The following BRI3 variants were observed in gnomAD, a reference collection of about 807,000 sequenced individuals.
The protein encoded by BRI3 is membrane protein BRI3.
In BRI3, 6 loss-of-function variants were observed where a neutral mutation model predicts 12.8. That is an observed-to-expected ratio of 0.47 (90% confidence interval 0.26 to 0.93). The LOEUF (loss-of-function observed/expected upper bound fraction) is 0.93, where lower values mean the gene tolerates loss of function less well. Among genes scored for constraint, BRI3 ranks in the 40% least tolerant of loss-of-function variants. BRI3 has a pLI of 0.15. For missense variants in BRI3, 134 were observed against 171.1 expected, an observed-to-expected ratio of 0.78 and a Z score of 1.21; for synonymous variants, 91 against 76.1, an observed-to-expected ratio of 1.20 and a Z score of -1.02.
downstream of BRI3, among the ~76,000 whole-genome samples, chr7:98,314,263 GT>G (rs2116884624): frequency 6.6e-6 from 1 of 151,990 alleles, no homozygotes; most frequent in African/African-American, 2.4e-5. Context: ...GATTACAGGC[GT>G]GAGCCACCAT....
At chr7:98,296,607 G>A (rs1430723834), downstream of BRI3, among the ~76,000 whole-genome samples, 2 of 152,146 alleles carry the variant, frequency 1.3e-5, no homozygotes, top group Non-Finnish European at 2.9e-5. Context: ...CTGGGCAACA[G>A]AGTGAGACTC....
intron 1 of BRI3, among the ~76,000 whole-genome samples, chr7:98,298,316 T>C (rs1800273088): frequency 6.7e-6 from 1 of 149,632 alleles, no homozygotes; most frequent in South Asian, 2.1e-4. Context: ...AAAAATGCTT[T>C]TAAAAAACAT....
intron 2 of BRI3, 75 bp downstream of exon 2, chr7:98,282,528 G>A: frequency 2.4e-6 from 3 of 1,264,530 alleles, no homozygotes; most frequent in Middle Eastern, 1.9e-4. Context: ...GGACCTCACA[G>A]CTCTGCTTGT....
Position 98,306,759 on chromosome 7 carries a change from G to A in BRI3, n.144+94G>A, listed in dbSNP as rs908692047. 5 of 514,116 alleles carry A rather than the reference G, an allele frequency of 9.7e-6. No individual in the cohort carries two copies. In the East Asian group the frequency reaches 1.2e-4, roughly 13 times the overall value. The allele number at this position is 514,116 out of a possible 1,614,324, so 31.8% of individuals were successfully genotyped here. On this transcript the variant is annotated intron_variant and non_coding_transcript_variant, in intron 1 of 1. Transcript: ENST00000485422. ...GTCTCGCTCTGTTGCCCAGGCTGGA[G>A]TGCAGTGGTGCGATCATAGCTCACA...
chr7:98,299,744 A>G (rs1562963758), intron 1 of BRI3, among the ~76,000 whole-genome samples: 1 of 152,170 alleles, frequency 6.6e-6, no homozygotes, highest in Non-Finnish European at 1.5e-5. Flanking sequence ...GTATATGGCT[A>G]CTTAAAATAA....
intron 2 of BRI3, among the ~76,000 whole-genome samples, chr7:98,286,007 G>A (rs557101141): frequency 6.6e-6 from 1 of 152,316 alleles, no homozygotes; most frequent in South Asian, 2.1e-4. Flanking sequence ...CACCATGTGC[G>A]CAGAGGGCAG....
chr7:98,312,059 C>T, downstream of BRI3: 1 of 1,550,942 alleles, frequency 6.4e-7, no homozygotes, highest in South Asian at 1.2e-5. Context: ...AGTTAGGAAA[C>T]ACACGATTGA....
chr7:98,317,710 C>T, the BRI3 span, among the ~76,000 whole-genome samples: 16 of 151,056 alleles, frequency 1.1e-4, no homozygotes, highest in South Asian at 3.4e-3. Context: ...GGGACCATCA[C>T]CCCGCAGTTC....
upstream of BRI3, among the ~76,000 whole-genome samples, chr7:98,303,948 G>C (rs113515586): frequency 6.6e-6 from 1 of 152,242 alleles, no homozygotes; most frequent in Non-Finnish European, 1.5e-5. Context: ...AGGCGACTGT[G>C]TGTAAACTCT....
upstream of BRI3, among the ~76,000 whole-genome samples, chr7:98,303,736 C>T (rs1424149982): frequency 2.0e-5 from 3 of 152,258 alleles, no homozygotes; most frequent in South Asian, 2.1e-4. Context: ...TAACCCTAAA[C>T]GCCGTGCCTA....
chr7:98,310,248 C>T, exon 2 of BRI3: 2 of 545,172 alleles, frequency 3.7e-6, no homozygotes, highest in South Asian at 5.1e-5. Context: ...AAATGTATCA[C>T]TTATCAGAGC....
At chr7:98,314,018 C>G (rs965877097), downstream of BRI3, among the ~76,000 whole-genome samples, 2 of 124,502 alleles carry the variant, frequency 1.6e-5, no homozygotes, top group Non-Finnish European at 3.2e-5. Flanking sequence ...CAGAGTCTTG[C>G]TCTGTTGCCC....
chr7:98,322,326 C>T, the BRI3 span, among the ~76,000 whole-genome samples: 1 of 152,308 alleles, frequency 6.6e-6, no homozygotes, highest in African/African-American at 2.4e-5. Context: ...CAGGATTCAA[C>T]CCTTGCTGAA....
At chr7:98,305,562 G>A (rs566289692), upstream of BRI3, among the ~76,000 whole-genome samples, 4 of 152,208 alleles carry the variant, frequency 2.6e-5, no homozygotes, top group East Asian at 7.7e-4. Context: ...TGGGACAATG[G>A]GCATATGCCA....
At chr7:98,306,473 T>C (rs772397097), upstream of BRI3, 57 of 1,613,990 alleles carry the variant, frequency 3.5e-5, no homozygotes, top group East Asian at 1.3e-3. Flanking sequence ...TCTGTCTCAT[T>C]TTCTTCCAGC....
downstream of BRI3, chr7:98,315,312 G>C: frequency 8.5e-6 from 5 of 584,872 alleles, no homozygotes; most frequent in Non-Finnish European, 1.3e-5. Flanking sequence ...ATTTTTTATA[G>C]AGACAGAGTT....
chr7:98,317,073 G>T, the BRI3 span: 2 of 999,924 alleles, frequency 2.0e-6, no homozygotes, highest in Non-Finnish European at 3.0e-6. Flanking sequence ...GGCTGGTCTC[G>T]AACTCCTGAC....
downstream of BRI3, chr7:98,292,998 T>TA: frequency 8.8e-7 from 1 of 1,132,392 alleles, no homozygotes; most frequent in Non-Finnish European, 1.1e-6. Context: ...GCTCTACACT[T>TA]AAACATTTTA....
downstream of BRI3, chr7:98,292,460 C>G (rs983953515): frequency 6.4e-6 from 4 of 626,048 alleles, no homozygotes; most frequent in Non-Finnish European, 1.1e-5. Context: ...CGTACCTGGG[C>G]CGGGCTGGGA....
Sources: gnomAD v4.1 joint callset for allele counts (sites outside exome capture counted in the v4.1 genomes callset) on GRCh38, gnomAD v4.1.1 for gene constraint, MANE v1.5 for transcripts, NCBI Gene and HGNC (gene_info 2026-07-23, HGNC 2026-07-21) for gene names.